Variants in OR8B8 observed in about 807,000 individuals in gnomAD.
OR8B8 encodes olfactory receptor family 8 subfamily B member 8.
In OR8B8, 8 loss-of-function variants were observed where a neutral mutation model predicts 10.5. That is an observed-to-expected ratio of 0.76 (90% CI 0.45 to 1.38). The LOEUF (loss-of-function observed/expected upper bound fraction) is 1.38, where lower values mean the gene tolerates loss of function less well. Ranked by LOEUF, OR8B8 falls within the 40% of genes most tolerant of loss-of-function variation. The pLI, the probability that OR8B8 is intolerant of heterozygous loss-of-function variation, is 0.00. For missense variants in OR8B8, 390 were observed against 380.5 expected (o/e 1.03, Z -0.21); for synonymous variants, 150 against 145.2 (o/e 1.03, Z -0.24).
chr11:124,440,932 T>G lies in OR8B8; in HGVS notation c.154A>C (p.Asn52His), dbSNP rs1360545742. The G allele has an allele frequency of 6.2e-7, 1 of 1,613,920 alleles. No individual in the cohort carries two copies. Among genetic ancestry groups the G allele is most frequent in the African/African-American group, 1.3e-5 (1 of 74,866 alleles). Residue 52 changes from asparagine (N) to histidine (H), a missense_variant, in exon 3 of 3, where the codon AAC becomes CAC. Asn to His is a moderately conservative substitution (Grantham distance 68). Transcript: ENST00000642064. ...TACATAGGGGTGTGCAAGTGAGAGT[T>G]GAGCCTTATCAGGGTTATCAAGCCC... ...NLGLITLIRL[N>H]SHLHTPMYFF...
chr11:124,443,117 C>G (rs1453778254), intron 1 of OR8B8, among the ~76,000 whole-genome samples: 1 of 41,290 alleles, frequency 2.4e-5, no homozygotes, highest in African/African-American at 1.4e-4. Context: ...CCTACGTTTT[C>G]TAGACAGGAA....
chr11:124,443,791 T>A (rs768100133), intron 1 of OR8B8, among the ~76,000 whole-genome samples: 2 of 152,196 alleles, frequency 1.3e-5, no homozygotes, highest in Non-Finnish European at 2.9e-5. Context: ...TGCATCCAGC[T>A]ATAGCCCAAT....
At chr11:124,445,339 A>T (rs889237881) in intron 1 of OR8B8, among the ~76,000 whole-genome samples, 1 of 152,212 alleles carries the variant, frequency 6.6e-6, no homozygotes, top group Non-Finnish European at 1.5e-5. Flanking sequence ...AGCAAAAAAA[A>T]AATAGATCTC....
At chr11:124,443,534 T>C (rs1861497666) in intron 1 of OR8B8, among the ~76,000 whole-genome samples, 7 of 152,146 alleles carry the variant, frequency 4.6e-5, no homozygotes, top group Admixed American at 4.6e-4. Flanking sequence ...AGATAAAGGA[T>C]GAATTTTCAA....
In OR8B8 at chr11:124,438,092, A is replaced by C. The variant is rs747961639; in HGVS notation, c.*2058T>G. On this transcript the variant is annotated 3_prime_UTR_variant, in exon 3 of 3. Coordinates refer to ENST00000642064, the MANE Select transcript of OR8B8 (RefSeq NM_012378.2). ...CGAGAATCTGGCATCTAATTCACTT[A>C]ATACCTCTGAGAAAAACGTTTTTAA... 6.6e-6 allele frequency: 1 copy of C among 152,154 alleles called. No individual in the cohort carries two copies. Among genetic ancestry groups the C allele is most frequent in the Admixed American group, 6.5e-5 (1 of 15,276 alleles). The allele number at this position is 152,154 out of a possible 1,614,324, so 9.4% of individuals were successfully genotyped here. A position where few individuals can be genotyped will look rare whatever the true frequency, so the allele number is the denominator to read the frequency against.
At chr11:124,444,276 T>C (rs11219661) in intron 1 of OR8B8, among the ~76,000 whole-genome samples, 16,742 of 152,258 alleles carry the variant, frequency 0.11, 1,057 homozygotes, top group Admixed American at 0.18. Flanking sequence ...CCAAGTCTCT[T>C]TGATTCCAGG....
intron 1 of OR8B8, among the ~76,000 whole-genome samples, chr11:124,442,158 G>A (rs948802658): frequency 7.2e-5 from 11 of 151,970 alleles, no homozygotes; most frequent in Admixed American, 3.3e-4. Context: ...AATTCTATGA[G>A]CTGGGTTTTA....
chr11:124,442,932 T>G (rs970636902), intron 1 of OR8B8, among the ~76,000 whole-genome samples: 6 of 151,670 alleles, frequency 4.0e-5, no homozygotes, highest in South Asian at 4.2e-4. Flanking sequence ...TATATGCTTA[T>G]TAAAAGTACA....
rs146642525 is a variant in OR8B8, at chr11:124,441,408, C to T, written c.-17+80G>A. The T allele has an allele frequency of 8.0e-3, 2,612 of 327,026 alleles. 15 individuals carry two copies. Among genetic ancestry groups the T allele is most frequent in the Non-Finnish European group, 0.012 (2,036 of 173,924 alleles). The allele number at this position is 327,026 out of a possible 1,614,324, so 20.3% of individuals were successfully genotyped here. ...GTCCTCTTAGAGGCCGGACCCAGCC[C>T]GCCTGTGCCTGGAGAGTTAGGGTTA... is the stretch of plus-strand genomic sequence containing the variant. On this transcript the variant is annotated intron_variant, in intron 2 of 2. Transcript: ENST00000642064.
At chr11:124,442,987 G>T (rs1861490072) in intron 1 of OR8B8, among the ~76,000 whole-genome samples, 1 of 40,846 alleles carries the variant, frequency 2.4e-5, no homozygotes, top group Non-Finnish European at 4.6e-5. Flanking sequence ...GAATCTCCAG[G>T]GGTGGGATTT....
At position 124,441,015 on chromosome 11, in the gene OR8B8, T is replaced by A. The variant is rs745392799; in HGVS notation, c.71A>T (p.Gln24Leu). The A allele has an allele frequency of 1.2e-6, 2 of 1,613,816 alleles. No homozygotes were observed. The highest frequency in any genetic ancestry group is 3.3e-5 in the Admixed American group (2 of 60,030). The change falls in exon 3 of 3, where the codon CAG (glutamine) becomes CTG (leucine). Residue 24 changes from glutamine to leucine, a missense_variant. Physicochemically the swap from Gln to Leu is moderately radical, Grantham distance 113. Coordinates refer to ENST00000642064, the MANE Select transcript of OR8B8 (RefSeq NM_012378.2). ...LAGLTDQPGVQIPLFFLFLGF... is the reference protein window; with the variant it reads ...LAGLTDQPGVLIPLFFLFLGF... ...TAGAAACAGGAAGAAGAGGGGGATC[T>A]GGACTCCCGGTTGGTCAGTTAAGCC...
intron 2 of OR8B8, 55 bp from the exon 3 acceptor site, chr11:124,441,156 T>TC: frequency 9.3e-7 from 1 of 1,073,660 alleles, no homozygotes; most frequent in East Asian, 2.5e-5. Context: ...ACTGCTGCCC[T>TC]CCCAGTCATC....
Position 124,437,835 on chromosome 11 carries a change from T to C in OR8B8, c.*2315A>G, listed in dbSNP as rs1389344990. 2 of 152,126 alleles carry C rather than the reference T, an allele frequency of 1.3e-5. No homozygotes were observed. Among genetic ancestry groups the C allele is most frequent in the Non-Finnish European group, 2.9e-5 (2 of 68,048 alleles). The allele number at this position is 152,126 out of a possible 1,614,324, so 9.4% of individuals were successfully genotyped here. ...CAACATCCGTCATTTCAAAATCTGA[T>C]TCTGAGGGGACACAAGTGTTCAGCC... On this transcript the variant is annotated 3_prime_UTR_variant, in exon 3 of 3. Transcript: ENST00000642064.
At chr11:124,445,391 C>T (rs1861517869) in intron 1 of OR8B8, among the ~76,000 whole-genome samples, 185 bp downstream of exon 1, 1 of 152,108 alleles carries the variant, frequency 6.6e-6, no homozygotes, top group South Asian at 2.1e-4. Context: ...ATGAGAGGTA[C>T]ATTTTGGTCA....
At chr11:124,441,128 TAGAG>T (rs10555793) in intron 2 of OR8B8, 27 bp from the exon 3 acceptor site, 8 of 1,444,242 alleles carry the variant, frequency 5.5e-6, no homozygotes, top group Admixed American at 1.8e-5. Flanking sequence ...AAAAGTTATT[TAGAG>T]AGAGAGAGAG....
chr11:124,442,405 G>C (rs1345479986), intron 1 of OR8B8, among the ~76,000 whole-genome samples: 1 of 152,074 alleles, frequency 6.6e-6, no homozygotes, highest in Non-Finnish European at 1.5e-5. Flanking sequence ...ATCCAGAAAA[G>C]GCAAAAACAA....
At position 124,441,106 on chromosome 11, in the gene OR8B8, G is replaced by A; in HGVS notation, c.-16-5C>T. The A allele has an allele frequency of 6.3e-7, 1 of 1,581,046 alleles. No homozygotes were observed. The highest frequency in any genetic ancestry group is 8.6e-7 in the Non-Finnish European group (1 of 1,161,234). On this transcript the variant is annotated splice_polypyrimidine_tract_variant and splice_region_variant and intron_variant, in intron 2 of 2. Coordinates refer to ENST00000642064, the MANE Select transcript of OR8B8 (RefSeq NM_012378.2). The stretch of plus-strand genomic sequence containing the variant: ...GCCATTGTCATTTAAGGCATTCTGT[G>A]GGGACAAGGGAAAAAGTTATTTAGA...
Position 124,439,457 on chromosome 11 carries a change from C to G in OR8B8, c.*693G>C, listed in dbSNP as rs1049311550. Reference sequence around the variant, plus strand: ...TATGTGATTGCATGTGAAATAATTCCCAAATTCTGTTCTTCATAACCTTGA... The same window carrying G: ...TATGTGATTGCATGTGAAATAATTCGCAAATTCTGTTCTTCATAACCTTGA... On this transcript the variant is annotated 3_prime_UTR_variant, in exon 3 of 3. Coordinates refer to ENST00000642064, the MANE Select transcript of OR8B8 (RefSeq NM_012378.2). 4 of 152,250 alleles carry G rather than the reference C, an allele frequency of 2.6e-5. No individual in the cohort carries two copies. The highest frequency in any genetic ancestry group is 9.7e-5 in the African/African-American group (4 of 41,430). The allele number at this position is 152,250 out of a possible 1,614,324, so 9.4% of individuals were successfully genotyped here.
rs1222177487 is a variant in OR8B8 at position 124,442,431 on chromosome 11, TG to T, written c.-152-809del. On this transcript the variant is annotated intron_variant, in intron 1 of 2. Coordinates refer to ENST00000642064, the MANE Select transcript of OR8B8 (RefSeq NM_012378.2). The stretch of plus-strand genomic sequence containing the variant: ...GCAAAAACAAAATGTTATGCCACTC[TG>T]ATGGAGGACATTCAACCTATCACTT... Among the ~76,000 whole-genome samples the T allele has an allele frequency of 3.1e-4, 47 of 152,356 alleles. No individual in the cohort carries two copies. The East Asian group carries it at 9.1e-3, about 29-fold the overall frequency.
Sources: gnomAD v4.1 joint callset for allele counts (sites outside exome capture counted in the v4.1 genomes callset) on GRCh38, gnomAD v4.1.1 for gene constraint, MANE v1.5 for transcripts, NCBI Gene and HGNC (gene_info 2026-07-23, HGNC 2026-07-21) for gene names.